BRPF3: variants seen among roughly 807,000 people sequenced by gnomAD.
BRPF3 encodes the protein bromodomain and PHD finger containing 3.
BRPF3 carries 18 observed loss-of-function variants against 102.0 expected under a neutral mutation model. That is an observed-to-expected ratio of 0.18 (90% CI 0.12 to 0.26). The LOEUF is 0.26. Among genes scored for constraint, BRPF3 ranks in the 10% least tolerant of loss-of-function variants. The pLI, the probability that BRPF3 is intolerant of heterozygous loss-of-function variation, is 1.00. For missense variants in BRPF3, 1,147 were observed against 1,567.8 expected (o/e 0.73, Z 4.53); for synonymous variants, 570 against 614.2 (o/e 0.93, Z 1.06).
chr6:36,199,125 A>G (rs1767605805), intron 1 of BRPF3, among the ~76,000 whole-genome samples: 1 of 152,176 alleles, frequency 6.6e-6, no homozygotes. Context: ...CAGGCCGCAG[A>G]CTGTGGCCTG....
chr6:36,204,468 C>T, intron 2 of BRPF3, 190 bp from the exon 3 acceptor site: 2 of 631,526 alleles, frequency 3.2e-6, no homozygotes, highest in Non-Finnish European at 5.6e-6. Flanking sequence ...AATGAAATAA[C>T]TCATGCTGAA....
chr6:36,222,174 G>A lies in BRPF3; in HGVS notation c.3090G>A (p.Leu1030=). Residue 1030 remains leucine, a synonymous_variant, in exon 10 of 13, where the codon CTG becomes CTA. Transcript: ENST00000357641. ...CTCCCTGCTCTGTGTGCAGTGGTCTGACGCCCCCCAAACGCAGCCGTGGGA... is the reference window on the plus strand; with the variant it reads ...CTCCCTGCTCTGTGTGCAGTGGTCTAACGCCCCCCAAACGCAGCCGTGGGA... ...GGLAFEACSG[L]TPPKRSRGKP... 6.5e-7 allele frequency: 1 copy of A among 1,550,246 alleles called. No individual in the cohort carries two copies. Among genetic ancestry groups the A allele is most frequent in the Non-Finnish European group, 8.7e-7 (1 of 1,147,046 alleles).
In BRPF3 at chr6:36,201,117, G is replaced by T. The variant is rs776000027; in HGVS notation, c.795G>T (p.Arg265=). 1.2e-6 allele frequency: 2 copies of T among 1,614,030 alleles called. No homozygotes were observed. The highest frequency in any genetic ancestry group is 1.3e-5 in the African/African-American group (1 of 74,908). ...GCTGCTGCCTGCAGTCTCCCTCCCG[G>T]CCTGTGGATTGCATCCTTTGCCCCA... is the stretch of plus-strand genomic sequence containing the variant. The part of the protein sequence containing the change: ...LCRCCLQSPS[R]PVDCILCPNK... Residue 265 remains arginine (R), a synonymous_variant, in exon 2 of 13, where the codon CGG becomes CGT. Transcript: ENST00000357641. The surrounding 1 kb of genome is among the most constrained non-coding windows in gnomAD (Gnocchi z 5.1).
chr6:36,225,059 A>G (rs1170193980), intron 10 of BRPF3, among the ~76,000 whole-genome samples: 2 of 152,216 alleles, frequency 1.3e-5, no homozygotes, highest in Admixed American at 6.5e-5. Context: ...AGAAGCTAAA[A>G]TATTTACTAT....
intron 7 of BRPF3, among the ~76,000 whole-genome samples, chr6:36,212,294 G>A (rs919347352): frequency 3.9e-5 from 6 of 152,138 alleles, no homozygotes; most frequent in Admixed American, 2.6e-4. Context: ...CTTCGGATCC[G>A]AGCCTATAGC....
intron 7 of BRPF3, 105 bp downstream of exon 7, chr6:36,211,665 C>T: frequency 7.3e-7 from 1 of 1,375,374 alleles, no homozygotes; most frequent in Non-Finnish European, 9.7e-7. Flanking sequence ...AGATCTGACA[C>T]TTGTGGGCAA....
chr6:36,201,661 A>G lies in BRPF3; in HGVS notation c.1339A>G (p.Lys447Glu), dbSNP rs1484896106. ...VSGSLKGVPKKSKMSLKQKIK... is the reference protein window; with the variant it reads ...VSGSLKGVPKESKMSLKQKIK... The stretch of plus-strand genomic sequence containing the variant: ...TGGCTCCCTCAAGGGAGTGCCCAAG[A>G]AAAGCAAGATGAGTTTGAAGCAGAA... Residue 447 changes from lysine to glutamate, a missense_variant, in exon 2 of 13, where the codon AAA becomes GAA. Physicochemically the swap from Lys to Glu is moderately conservative, Grantham distance 56. Transcript: ENST00000357641. This position sits in a 1 kb window ranked among gnomAD's most constrained non-coding sequence, Gnocchi z 5.1. 1 of 1,614,228 alleles carries G rather than the reference A, an allele frequency of 6.2e-7. No individual in the cohort carries two copies. The highest frequency in any genetic ancestry group is 2.2e-5 in the East Asian group (1 of 44,886).
Position 36,230,654 on chromosome 6 carries a change from A to G in BRPF3, c.*45A>G. The G allele has an allele frequency of 6.3e-7, 1 of 1,593,562 alleles. No homozygotes were observed. ...TCCGCTTGCCCTGCCTCCATCCCGCAGGGCACAGAGAAGCCTCTTCTGCCC... is the reference window on the plus strand; with the variant it reads ...TCCGCTTGCCCTGCCTCCATCCCGCGGGGCACAGAGAAGCCTCTTCTGCCC... On this transcript the variant is annotated 3_prime_UTR_variant, in exon 13 of 13. Transcript: ENST00000357641. This position sits in a 1 kb window ranked among gnomAD's most constrained non-coding sequence, Gnocchi z 5.4.
At chr6:36,220,333 T>G (rs1215777077) in intron 9 of BRPF3, among the ~76,000 whole-genome samples, 3 of 152,228 alleles carry the variant, frequency 2.0e-5, no homozygotes, top group Non-Finnish European at 4.4e-5. Flanking sequence ...TAACTACAGC[T>G]GTGTTTATTG....
chr6:36,221,313 A>C, intron 9 of BRPF3, among the ~76,000 whole-genome samples: 1 of 111,458 alleles, frequency 9.0e-6, no homozygotes, highest in South Asian at 3.0e-4. Context: ...TTTGAGATGG[A>C]GTCTTGCTCT....
intron 9 of BRPF3, among the ~76,000 whole-genome samples, chr6:36,219,859 C>G (rs963853610): frequency 3.9e-5 from 6 of 152,168 alleles, no homozygotes; most frequent in African/African-American, 1.4e-4. Context: ...TAACCCATCC[C>G]CCACACTCCC....
Position 36,210,345 on chromosome 6 carries a change from A to C in BRPF3, c.1996A>C (p.Met666Leu), listed in dbSNP as rs764369546. 2.5e-6 allele frequency: 4 copies of C among 1,614,242 alleles called. No homozygotes were observed. The highest frequency in any genetic ancestry group is 1.7e-5 in the Admixed American group (1 of 60,034). Residue 666 changes from methionine (M) to leucine (L), a missense_variant, in exon 6 of 13, where the codon ATG becomes CTG. By Grantham distance (15) the Met-to-Leu change is conservative. Transcript: ENST00000357641. This position sits in a 1 kb window ranked among gnomAD's most constrained non-coding sequence, Gnocchi z 4.7. ...EDFNLIVTNCMKYNAKDTIFH... is the reference protein window; with the variant it reads ...EDFNLIVTNCLKYNAKDTIFH... ...CTTTAACCTTATAGTTACCAACTGCATGAAGTATAATGCTAAAGACACAAT... is the reference window on the plus strand; with the variant it reads ...CTTTAACCTTATAGTTACCAACTGCCTGAAGTATAATGCTAAAGACACAAT...
rs149353065 is a variant in BRPF3 at position 36,201,443 on chromosome 6, T to C, written c.1121T>C (p.Ile374Thr). The change falls in exon 2 of 13, where the codon ATC becomes ACC. Residue 374 changes from isoleucine (I) to threonine (T), a missense_variant. Physicochemically the swap from Ile to Thr is moderately conservative, Grantham distance 89. Transcript: ENST00000357641. This position sits in a 1 kb window ranked among gnomAD's most constrained non-coding sequence, Gnocchi z 5.1. The stretch of plus-strand genomic sequence containing the variant: ...CGCGAAACCAGCCTCAATGGCACCA[T>C]CTTTACAGTGCGCAAGACTGCCTAC... ...PMRETSLNGT[I>T]FTVRKTAYCE... 911 of 1,614,146 alleles carry C rather than the reference T, an allele frequency of 5.6e-4. No homozygotes were observed. The highest frequency in any genetic ancestry group is 7.2e-4 in the Non-Finnish European group (852 of 1,180,040).
In BRPF3 at chr6:36,201,684, G is replaced by A. The variant is rs1365752665; in HGVS notation, c.1362G>A (p.Gln454=). The A allele has an allele frequency of 6.2e-7, 1 of 1,614,078 alleles. No homozygotes were observed. The highest frequency in any genetic ancestry group is 1.3e-5 in the African/African-American group (1 of 74,934). Residue 454 remains glutamine (Q), a synonymous_variant, in exon 2 of 13, where the codon CAG becomes CAA. Transcript: ENST00000357641. This position sits in a 1 kb window ranked among gnomAD's most constrained non-coding sequence, Gnocchi z 5.1. ...VPKKSKMSLK[Q]KIKKEPEEAG... is the part of the protein sequence containing the mutation. ...AGAAAAGCAAGATGAGTTTGAAGCA[G>A]AAGATCAAGAAGGAGCCAGAGGAAG...
chr6:36,207,220 G>T, intron 3 of BRPF3, 93 bp from the exon 4 acceptor site: 1 of 1,518,792 alleles, frequency 6.6e-7, no homozygotes, highest in Admixed American at 1.9e-5. Flanking sequence ...AAGGGGACAA[G>T]ACTTTTACCT....
chr6:36,211,195 C>CT, intron 6 of BRPF3, 63 bp from the exon 7 acceptor site: 1 of 1,523,674 alleles, frequency 6.6e-7, no homozygotes. Flanking sequence ...GATTCGGCCC[C>CT]TTTCTCTTGC....
At chr6:36,221,560 C>T (rs1239765557) in intron 9 of BRPF3, among the ~76,000 whole-genome samples, 4 of 152,184 alleles carry the variant, frequency 2.6e-5, no homozygotes, top group African/African-American at 9.7e-5. Flanking sequence ...GTTGGGATTA[C>T]AGGCGTGAGC....
chr6:36,230,749 G>C lies in BRPF3; in HGVS notation c.*140G>C. 9.0e-7 allele frequency: 1 copy of C among 1,110,314 alleles called. No individual in the cohort carries two copies. Among genetic ancestry groups the C allele is most frequent in the Non-Finnish European group, 1.3e-6 (1 of 791,086 alleles). 68.8% of individuals were successfully genotyped at this position (1,110,314 alleles called of 1,614,324 possible). A position where few individuals can be genotyped will look rare whatever the true frequency, so the allele number is the denominator to read the frequency against. On this transcript the variant is annotated 3_prime_UTR_variant, in exon 13 of 13. Coordinates refer to ENST00000357641, the MANE Select transcript of BRPF3 (RefSeq NM_015695.3). This position sits in a 1 kb window ranked among gnomAD's most constrained non-coding sequence, Gnocchi z 5.4. ...AGGGACTGGGCTTTCTCCCCACTAA[G>C]GGCAAGGCCCCAGTTTTGACCAATC... is the stretch of plus-strand genomic sequence containing the variant.
intron 10 of BRPF3, 62 bp from the exon 11 acceptor site, chr6:36,225,205 G>A (rs950680157): frequency 2.8e-5 from 40 of 1,435,150 alleles, no homozygotes; most frequent in Admixed American, 1.4e-4. Flanking sequence ...CCACAGGCAG[G>A]CCTTTTGGGC....
Sources: gnomAD v4.1 joint callset for allele counts (sites outside exome capture counted in the v4.1 genomes callset) on GRCh38, gnomAD v4.1.1 for gene constraint, Gnocchi (gnomAD v3.1) non-coding constraint, MANE v1.5 for transcripts, NCBI Gene and HGNC (gene_info 2026-07-23, HGNC 2026-07-21) for gene names.